Variants in AQP1 observed in about 807,000 individuals in gnomAD.
AQP1 encodes aquaporin-1.
In AQP1, 11 loss-of-function variants were observed where a neutral mutation model predicts 19.7. The ratio of observed to expected loss-of-function variants is 0.56; its 90% CI spans 0.35 to 0.92. AQP1 has a LOEUF of 0.92. AQP1 is among the 40% of genes least tolerant of loss of function. The pLI, the probability that AQP1 is intolerant of heterozygous loss-of-function variation, is 0.01. For synonymous variants in AQP1, 159 were observed against 166.7 expected (o/e 0.95, Z 0.36); for missense variants, 320 against 369.7 (o/e 0.87, Z 1.10).
At chr7:30,921,392 G>A in intron 1 of AQP1, 5 of 1,414,144 alleles carry the variant, frequency 3.5e-6, no homozygotes, top group Non-Finnish European at 4.6e-6. Flanking sequence ...CCAGCAGTGG[G>A]GAGGAAGAAG....
chr7:30,914,191 G>A (rs1345067435), intron 1 of AQP1, among the ~76,000 whole-genome samples: 2 of 152,154 alleles, frequency 1.3e-5, no homozygotes, highest in Non-Finnish European at 2.9e-5. Context: ...CCCAATACTT[G>A]GGCTGGGCGT....
At chr7:30,917,139 T>G (rs1294332333) in intron 1 of AQP1, among the ~76,000 whole-genome samples, 1 of 152,216 alleles carries the variant, frequency 6.6e-6, no homozygotes, top group Non-Finnish European at 1.5e-5. Context: ...GCGTGGAGAC[T>G]TGTCAAGGTG....
chr7:30,922,439 T>G, intron 2 of AQP1, 125 bp from the exon 3 acceptor site: 2 of 1,290,692 alleles, frequency 1.5e-6, no homozygotes, highest in East Asian at 2.3e-5. Flanking sequence ...CACTCCTCTT[T>G]CCCTGGGTCT....
At chr7:30,918,894 GTGGC>G (rs1791424977) in intron 1 of AQP1, among the ~76,000 whole-genome samples, 1 of 152,220 alleles carries the variant, frequency 6.6e-6, no homozygotes, top group Admixed American at 6.5e-5. Context: ...TGAGTGTAGG[GTGGC>G]ACAGACTATG....
chr7:30,923,817 C>A lies in AQP1; in HGVS notation c.*188C>A. On this transcript the variant is annotated 3_prime_UTR_variant, in exon 4 of 4. Transcript: ENST00000311813. This position sits in a 1 kb window ranked among gnomAD's most constrained non-coding sequence, Gnocchi z 4.8. ...ATCTCTTTCTTTCTCTTTCTGTTTC[C>A]TGGCCTCAGAGCTTCCTGGGGACCA... 6.6e-7 allele frequency: 1 copy of A among 1,523,012 alleles called. No homozygotes were observed. The highest frequency in any genetic ancestry group is 2.4e-5 in the East Asian group (1 of 40,944). The allele number at this position is 1,523,012 out of a possible 1,614,324, so 94.3% of individuals were successfully genotyped here. A position where few individuals can be genotyped will look rare whatever the true frequency, so the allele number is the denominator to read the frequency against.
chr7:30,914,144 C>T (rs1033602281), intron 1 of AQP1, among the ~76,000 whole-genome samples: 2 of 152,212 alleles, frequency 1.3e-5, no homozygotes, highest in African/African-American at 4.8e-5. Context: ...GCCTCCCGTG[C>T]CCCATTCCCT....
In AQP1 at chr7:30,923,482, C is replaced by G; in HGVS notation, c.663C>G (p.Ala221=). 6.2e-7 allele frequency: 1 copy of G among 1,614,018 alleles called. No individual in the cohort carries two copies. The highest frequency in any genetic ancestry group is 8.5e-7 in the Non-Finnish European group (1 of 1,179,980). Residue 221 remains alanine (A), a synonymous_variant, in exon 4 of 4, where the codon GCC becomes GCG. Transcript: ENST00000311813. This position sits in a 1 kb window ranked among gnomAD's most constrained non-coding sequence, Gnocchi z 4.8. ...IFWVGPFIGG[A]LAVLIYDFIL... is the part of the protein sequence containing the mutation. ...GGGTGGGGCCATTCATCGGGGGAGCCCTGGCTGTACTCATCTACGACTTCA... is the reference window on the plus strand; with the variant it reads ...GGGTGGGGCCATTCATCGGGGGAGCGCTGGCTGTACTCATCTACGACTTCA...
At position 30,924,174 on chromosome 7, in the gene AQP1, C is replaced by T; in HGVS notation, c.*545C>T. The T allele has an allele frequency of 8.8e-7, 1 of 1,141,064 alleles. No homozygotes were observed. The highest frequency in any genetic ancestry group is 4.0e-4 in the Middle Eastern group (1 of 2,520). The allele number at this position is 1,141,064 out of a possible 1,614,324, so 70.7% of individuals were successfully genotyped here. On this transcript the variant is annotated 3_prime_UTR_variant, in exon 4 of 4. Coordinates refer to ENST00000311813, the MANE Select transcript of AQP1 (RefSeq NM_198098.4). ...GCCCCTGACCCGCTCGGACTTACTG[C>T]CTGACCTTGGAATCGTCCCTATATC...
At chr7:30,913,464 A>AGATG (rs1207031146) in intron 1 of AQP1, 1 of 152,430 alleles carries the variant, frequency 6.6e-6, no homozygotes, top group East Asian at 1.9e-4. Context: ...TCGTCTAGAG[A>AGATG]GATGAGGCTG....
At chr7:30,922,448 C>A in intron 2 of AQP1, 116 bp from the exon 3 acceptor site, 1 of 1,304,472 alleles carries the variant, frequency 7.7e-7, no homozygotes, top group Non-Finnish European at 1.1e-6. Flanking sequence ...TTCCCTGGGT[C>A]TCATTGTCCC....
At position 30,922,574 on chromosome 7, in the gene AQP1, CT is replaced by C; in HGVS notation, c.561del (p.Gly188AlafsTer14). The C allele has an allele frequency of 1.9e-6, 3 of 1,614,186 alleles. No individual in the cohort carries two copies. The highest frequency in any genetic ancestry group is 2.5e-6 in the Non-Finnish European group (3 of 1,179,990). On this transcript the variant is annotated frameshift_variant, in exon 3 of 4. Coordinates refer to ENST00000311813, the MANE Select transcript of AQP1 (RefSeq NM_198098.4). LOFTEE classifies it high-confidence loss of function. ...TTCTTTCCCTCACAGATTGACTACA[CT>C]GGCTGTGGGATTAACCCTGCTCGGT... ...ALGHLLAIDY[T>X]GCGINPARSF...
intron 1 of AQP1, among the ~76,000 whole-genome samples, chr7:30,918,384 A>G (rs1436945726): frequency 3.3e-5 from 5 of 152,224 alleles, no homozygotes; most frequent in Admixed American, 2.6e-4. Flanking sequence ...CCCTGGACAC[A>G]TGTGGTCATC....
chr7:30,920,922 G>T (rs1428534983), intron 1 of AQP1, among the ~76,000 whole-genome samples: 2 of 152,198 alleles, frequency 1.3e-5, no homozygotes, highest in African/African-American at 2.4e-5. Context: ...TGGCCTCAGG[G>T]TGGGGCTGGG....
At chr7:30,913,850 C>T (rs1275778917) in intron 1 of AQP1, among the ~76,000 whole-genome samples, 1 of 152,142 alleles carries the variant, frequency 6.6e-6, no homozygotes, top group East Asian at 1.9e-4. Flanking sequence ...CTCTGCCCCC[C>T]CAGGCCTCAG....
intron 1 of AQP1, among the ~76,000 whole-genome samples, chr7:30,919,994 C>T (rs774051031): frequency 4.6e-5 from 7 of 152,262 alleles, no homozygotes; most frequent in Admixed American, 1.3e-4. Context: ...TGACCCCTCC[C>T]CTTCCCAAGG....
chr7:30,921,783 C>T lies in AQP1; in HGVS notation c.385-283C>T, dbSNP rs984130038. Reference sequence around the variant, plus strand: ...TGGATGCAGCTGGATGCAAAGGCCCCAGCTCACCCCAGGCCTCTCCAGCTT... The same window carrying T: ...TGGATGCAGCTGGATGCAAAGGCCCTAGCTCACCCCAGGCCTCTCCAGCTT... On this transcript the variant is annotated intron_variant, in intron 1 of 3. Coordinates refer to ENST00000311813, the MANE Select transcript of AQP1 (RefSeq NM_198098.4). 53 of 1,550,668 alleles carry T rather than the reference C, an allele frequency of 3.4e-5. No individual in the cohort carries two copies. The East Asian group carries it at 1.3e-3, about 37-fold the overall frequency.
intron 3 of AQP1, 62 bp downstream of exon 3, chr7:30,922,706 C>A: frequency 6.8e-7 from 1 of 1,469,210 alleles, no homozygotes; most frequent in Non-Finnish European, 9.5e-7. Context: ...CCTGACCCCA[C>A]CCTCACAGTG....
chr7:30,915,911 C>CCCTGCCCAGCCCGT (rs1357402377), intron 1 of AQP1, among the ~76,000 whole-genome samples: 15 of 152,146 alleles, frequency 9.9e-5, no homozygotes, highest in African/African-American at 3.4e-4. Context: ...GTTTCCATGT[C>CCCTGCCCAGCCCGT]CCTGCCCAGC....
Position 30,924,259 on chromosome 7 carries a change from C to T in AQP1, c.*630C>T. On this transcript the variant is annotated 3_prime_UTR_variant, in exon 4 of 4. Transcript: ENST00000311813. ...GGACCGGCAGAGCTCTACAGGCCTG[C>T]AGCCCCTAAGTGCAAACACAGCATG... 2.3e-6 allele frequency: 1 copy of T among 438,254 alleles called. No individual in the cohort carries two copies. The allele number at this position is 438,254 out of a possible 1,614,324, so 27.1% of individuals were successfully genotyped here.
Sources: allele counts gnomAD v4.1 joint callset (sites outside exome capture counted in the v4.1 genomes callset), GRCh38; gene constraint gnomAD v4.1.1; non-coding constraint Gnocchi (gnomAD v3.1); transcripts MANE v1.5; gene names NCBI Gene and HGNC (gene_info 2026-07-23, HGNC 2026-07-21).